PAK5: variants seen among roughly 807,000 people sequenced by gnomAD.
PAK5 encodes the protein p21 (RAC1) activated kinase 5, also known as serine/threonine-protein kinase PAK 5.
A neutral mutation model predicts 65.9 loss-of-function variants in PAK5; 16 were observed. The observed-to-expected ratio is 0.24, with a 90% CI of 0.16 to 0.37. The LOEUF is 0.37. Among genes scored for constraint, PAK5 ranks in the 10% least tolerant of loss-of-function variants. The probability of loss-of-function intolerance (pLI) is 1.00; values close to 1 mark genes in which losing one functional copy is unlikely to be tolerated. For synonymous variants in PAK5, 371 were observed against 354.9 expected, an observed-to-expected ratio of 1.05 and a Z score of -0.51; for missense variants, 785 against 903.9, an observed-to-expected ratio of 0.87 and a Z score of 1.69.
rs1173963588 is a variant in PAK5 at position 9,644,304 on chromosome 20, T to C, written c.25A>G (p.Ile9Val). MFGKKKKK[I>V]EISGPSNFEH... is the part of the protein sequence containing the mutation. The stretch of plus-strand genomic sequence containing the variant: ...AAGTTGGACGGGCCAGATATTTCAA[T>C]CTTTTTCTTTTTCTTCCCAAACATG... The change falls in exon 3 of 10, where the codon ATT becomes GTT. Residue 9 changes from isoleucine (I) to valine (V), a missense_variant. Physicochemically the swap from Ile to Val is conservative, Grantham distance 29. Coordinates refer to ENST00000353224, the MANE Select transcript of PAK5 (RefSeq NM_177990.4). 1 of 1,609,644 alleles carries C rather than the reference T, an allele frequency of 6.2e-7. No homozygotes were observed. Among genetic ancestry groups the C allele is most frequent in the Admixed American group, 1.7e-5 (1 of 58,910 alleles).
intron 3 of PAK5, among the ~76,000 whole-genome samples, chr20:9,590,500 AG>A (rs1239781321): frequency 6.6e-6 from 1 of 152,106 alleles, no homozygotes; most frequent in African/African-American, 2.4e-5. Flanking sequence ...ATGGCCTGCA[AG>A]GTGTAAAATA....
chr20:9,603,117 C>A (rs2046389052), intron 3 of PAK5, among the ~76,000 whole-genome samples: 1 of 152,154 alleles, frequency 6.6e-6, no homozygotes, highest in South Asian at 2.1e-4. Flanking sequence ...AGGAATGGTG[C>A]CCTGGAGGGG....
chr20:9,759,755 C>T (rs2048677228), intron 1 of PAK5, among the ~76,000 whole-genome samples: 2 of 152,090 alleles, frequency 1.3e-5, no homozygotes, highest in Non-Finnish European at 2.9e-5. Context: ...GAAATGACTC[C>T]CTGGAGGCAG....
At chr20:9,735,636 CA>C (rs955235365) in intron 1 of PAK5, among the ~76,000 whole-genome samples, 5 of 151,998 alleles carry the variant, frequency 3.3e-5, no homozygotes, top group Non-Finnish European at 5.9e-5. Context: ...ACTAAAAAAA[CA>C]AAAAATAGAA....
chr20:9,544,966 C>A (rs2045321892), intron 7 of PAK5, among the ~76,000 whole-genome samples: 1 of 152,116 alleles, frequency 6.6e-6, no homozygotes, highest in African/African-American at 2.4e-5. Context: ...AATCAAAGAA[C>A]CATCTCTTTT....
chr20:9,655,460 AT>A (rs1569023041), intron 2 of PAK5, among the ~76,000 whole-genome samples: 1 of 152,092 alleles, frequency 6.6e-6, no homozygotes, highest in African/African-American at 2.4e-5. Context: ...TTAAAAAAAA[AT>A]AAAAAAGCAA....
chr20:9,625,101 C>T (rs2046825354), intron 3 of PAK5, among the ~76,000 whole-genome samples: 1 of 152,116 alleles, frequency 6.6e-6, no homozygotes, highest in Non-Finnish European at 1.5e-5. Flanking sequence ...TCTCCACTGG[C>T]ATCACTGTCT....
chr20:9,732,770 T>A lies in PAK5; in HGVS notation c.-161-21335A>T, dbSNP rs73895970. Among the ~76,000 whole-genome samples, 974 of 152,318 alleles carry A rather than the reference T, an allele frequency of 6.4e-3. 16 individuals carry two copies. The highest frequency in any genetic ancestry group is 0.022 in the African/African-American group (927 of 41,570). On this transcript the variant is annotated intron_variant, in intron 1 of 9. Coordinates refer to ENST00000353224, the MANE Select transcript of PAK5 (RefSeq NM_177990.4). ...CTTTCTCTCACTCCATCCTCTTCAA[T>A]CATACCCCAACAAAATCCCCAAAAT... is the stretch of plus-strand genomic sequence containing the variant.
At chr20:9,593,726 C>T (rs911053992) in intron 3 of PAK5, among the ~76,000 whole-genome samples, 2 of 152,262 alleles carry the variant, frequency 1.3e-5, no homozygotes, top group East Asian at 3.9e-4. Context: ...AACTCTGCAA[C>T]ATTTCTTTCA....
intron 3 of PAK5, among the ~76,000 whole-genome samples, chr20:9,584,763 T>C (rs2046039858): frequency 6.6e-6 from 1 of 152,256 alleles, no homozygotes; most frequent in Non-Finnish European, 1.5e-5. Context: ...AGTTTGTTTG[T>C]ATCACAGTGT....
intron 1 of PAK5, among the ~76,000 whole-genome samples, chr20:9,795,383 A>G (rs2049093830): frequency 6.6e-6 from 1 of 152,110 alleles, no homozygotes; most frequent in African/African-American, 2.4e-5. Context: ...TAAATATTTA[A>G]ATGTCTTTAA....
intron 3 of PAK5, among the ~76,000 whole-genome samples, chr20:9,595,822 G>A (rs1010950688): frequency 6.6e-6 from 1 of 151,148 alleles, no homozygotes; most frequent in Non-Finnish European, 1.5e-5. Context: ...GGCTTTCCTA[G>A]AGGAAATTCT....
At chr20:9,760,332 T>C (rs2048684130) in intron 1 of PAK5, among the ~76,000 whole-genome samples, 1 of 152,178 alleles carries the variant, frequency 6.6e-6, no homozygotes, top group Admixed American at 6.6e-5. Flanking sequence ...AGTTCCAGTA[T>C]TGAGGGCTAA....
At chr20:9,821,037 A>T (rs2049414129) in intron 1 of PAK5, among the ~76,000 whole-genome samples, 1 of 151,924 alleles carries the variant, frequency 6.6e-6, no homozygotes, top group Non-Finnish European at 1.5e-5. Flanking sequence ...CAAGTGGGAA[A>T]CTCTAGAACC....
intron 1 of PAK5, among the ~76,000 whole-genome samples, chr20:9,816,974 T>G (rs917831016): frequency 9.2e-5 from 14 of 152,030 alleles, no homozygotes; most frequent in African/African-American, 3.1e-4. Context: ...AAACTTATAG[T>G]ATAATATGAG....
rs2049044532 is a variant in PAK5 at position 9,790,965 on chromosome 20, G to A, written c.-162+47797C>T. On this transcript the variant is annotated intron_variant, in intron 1 of 9. Coordinates refer to ENST00000353224, the MANE Select transcript of PAK5 (RefSeq NM_177990.4). The stretch of plus-strand genomic sequence containing the variant: ...CACGGGGAATGGGTGTTGGGAATGG[G>A]TTACATTCCTTGGCTTCCATGACCT... Among the ~76,000 whole-genome samples the A allele has an allele frequency of 2.0e-5, 3 of 152,118 alleles. No individual in the cohort carries two copies. In the South Asian group the frequency reaches 6.2e-4, roughly 32 times the overall value.
At chr20:9,610,326 C>T (rs2046535271) in intron 3 of PAK5, among the ~76,000 whole-genome samples, 1 of 152,108 alleles carries the variant, frequency 6.6e-6, no homozygotes, top group Non-Finnish European at 1.5e-5. Context: ...TGCATGCTGC[C>T]CCTAGGTAGA....
intron 1 of PAK5, among the ~76,000 whole-genome samples, chr20:9,832,153 ATATAT>A (rs1978771943): frequency 6.6e-6 from 1 of 152,052 alleles, no homozygotes; most frequent in Non-Finnish European, 1.5e-5. Context: ...TTACTATGAA[ATATAT>A]TATAATACAC....
At chr20:9,782,839 C>A (rs1323239057) in intron 1 of PAK5, among the ~76,000 whole-genome samples, 1 of 152,074 alleles carries the variant, frequency 6.6e-6, no homozygotes, top group Non-Finnish European at 1.5e-5. Flanking sequence ...GGAGGCCCCA[C>A]CCACCACCAT....
Sources: allele counts gnomAD v4.1 joint callset (sites outside exome capture counted in the v4.1 genomes callset), GRCh38; gene constraint gnomAD v4.1.1; transcripts MANE v1.5; gene names NCBI Gene and HGNC (gene_info 2026-07-23, HGNC 2026-07-21).